KCNH5: variants seen among roughly 807,000 people sequenced by gnomAD.
The protein encoded by KCNH5 is potassium voltage-gated channel subfamily H member 5.
KCNH5 carries 46 observed loss-of-function variants against 96.1 expected under a neutral mutation model. That is an observed-to-expected ratio of 0.48 (90% CI 0.38 to 0.61). The LOEUF (loss-of-function observed/expected upper bound fraction) is 0.61. Ranked by LOEUF, KCNH5 falls within the 20% of genes least tolerant of loss-of-function variation. KCNH5 has a pLI of 0.00. For missense variants in KCNH5, 907 were observed against 1,225.8 expected, an observed-to-expected ratio of 0.74 and a Z score of 3.88; for synonymous variants, 439 against 449.8, an observed-to-expected ratio of 0.98 and a Z score of 0.30.
At chr14:62,787,893 T>C (rs1231091419) in intron 9 of KCNH5, among the ~76,000 whole-genome samples, 2 of 152,192 alleles carry the variant, frequency 1.3e-5, no homozygotes, top group African/African-American at 4.8e-5. Flanking sequence ...GACTGCTCAT[T>C]GACAATGCAT....
chr14:62,719,924 C>T (rs1264272676), intron 10 of KCNH5, among the ~76,000 whole-genome samples: 1 of 152,182 alleles, frequency 6.6e-6, no homozygotes, highest in African/African-American at 2.4e-5. Flanking sequence ...ATGTGTTAAA[C>T]ATCTACCATG....
intron 7 of KCNH5, among the ~76,000 whole-genome samples, chr14:62,889,516 T>C (rs1312709664): frequency 6.6e-6 from 1 of 152,190 alleles, no homozygotes; most frequent in Non-Finnish European, 1.5e-5. Context: ...GATGATGCAG[T>C]AGTCGAGAGA....
At chr14:62,907,492 C>T (rs996156060) in intron 7 of KCNH5, among the ~76,000 whole-genome samples, 1 of 152,126 alleles carries the variant, frequency 6.6e-6, no homozygotes, top group African/African-American at 2.4e-5. Context: ...CAACTTCATG[C>T]AAGTCTGGAA....
intron 1 of KCNH5, among the ~76,000 whole-genome samples, chr14:63,018,865 T>C (rs148407396): frequency 1.1e-3 from 172 of 151,964 alleles, no homozygotes; most frequent in African/African-American, 4.0e-3. Flanking sequence ...ACAATTACTA[T>C]GGAAAAAAGT....
chr14:62,847,679 C>A (rs1595653226), intron 8 of KCNH5, among the ~76,000 whole-genome samples: 1 of 152,132 alleles, frequency 6.6e-6, no homozygotes, highest in African/African-American at 2.4e-5. Flanking sequence ...CTTAAAAAAT[C>A]TTTTCATTGA....
At chr14:62,919,565 C>A (rs559172536) in intron 7 of KCNH5, among the ~76,000 whole-genome samples, 1 of 151,954 alleles carries the variant, frequency 6.6e-6, no homozygotes, top group African/African-American at 2.4e-5. Context: ...AATCTCTGTG[C>A]GCTCAATTTT....
chr14:62,983,245 G>A (rs1594658827), intron 5 of KCNH5, among the ~76,000 whole-genome samples: 2 of 151,876 alleles, frequency 1.3e-5, no homozygotes, highest in Admixed American at 6.6e-5. Flanking sequence ...TTGTTGGCAC[G>A]TGCCTGCAGT....
intron 3 of KCNH5, among the ~76,000 whole-genome samples, chr14:63,003,077 A>T (rs1400798797): frequency 6.6e-6 from 1 of 152,176 alleles, no homozygotes; most frequent in Admixed American, 6.5e-5. Context: ...TAATTTTCCA[A>T]GGTCTGTTAG....
chr14:62,846,877 T>C (rs1417255468), intron 8 of KCNH5, among the ~76,000 whole-genome samples: 1 of 133,352 alleles, frequency 7.5e-6, no homozygotes, highest in East Asian at 2.5e-4. Context: ...CTCAGCTCAC[T>C]GCAAGCTCCG....
intron 8 of KCNH5, among the ~76,000 whole-genome samples, chr14:62,826,385 T>A (rs1199280108): frequency 7.2e-6 from 1 of 138,622 alleles, no homozygotes. Context: ...TGAGATTTTG[T>A]GTGTGTGTGT....
intron 10 of KCNH5, among the ~76,000 whole-genome samples, chr14:62,753,266 C>A (rs1595607263): frequency 6.6e-6 from 1 of 152,028 alleles, no homozygotes; most frequent in East Asian, 1.9e-4. Flanking sequence ...TGAGAAACAA[C>A]TAGTGAGCTT....
chr14:62,932,475 TA>T (rs199801361), intron 7 of KCNH5, among the ~76,000 whole-genome samples: 3,337 of 102,392 alleles, frequency 0.033, 45 homozygotes, highest in Middle Eastern at 0.056. Context: ...GAAATGAGAT[TA>T]AAAAAAAAAA....
rs1384959773 is a variant in KCNH5, at chr14:62,699,848, T to TA, written c.*7659_*7660insT. 1.1e-4 allele frequency: 17 copies of TA among 152,180 alleles called. No homozygotes were observed. The highest frequency in any genetic ancestry group is 2.9e-5 in the Non-Finnish European group (2 of 68,010). The allele number at this position is 152,180 out of a possible 1,614,324, so 9.4% of individuals were successfully genotyped here. On this transcript the variant is annotated 3_prime_UTR_variant, in exon 11 of 11. Transcript: ENST00000322893. Reference sequence around the variant, plus strand: ...ATCTTTGTTTAAGTAGAAAAAAGGATCTGCTTAGCATGAATCAGATTTTGA... The same window carrying TA: ...ATCTTTGTTTAAGTAGAAAAAAGGATACTGCTTAGCATGAATCAGATTTTGA...
chr14:63,025,619 A>AT (rs1891509694), intron 1 of KCNH5, among the ~76,000 whole-genome samples: 1 of 23,650 alleles, frequency 4.2e-5, no homozygotes, highest in Non-Finnish European at 1.2e-4. Flanking sequence ...TACAATAGTA[A>AT]CAAAAAAAAA....
rs1194431355 is a variant in KCNH5, at chr14:62,711,882, A to G, written c.2020-3427T>C. 3.3e-5 allele frequency among the ~76,000 whole-genome samples: 5 copies of G among 152,218 alleles called. No homozygotes were observed. In the South Asian group the frequency reaches 6.2e-4, roughly 19 times the overall value. ...GCCACCAGGGACTTTCAGGCCATCAATTATGCCACACATAAAGAGAGCCAG... is the reference window on the plus strand; with the variant it reads ...GCCACCAGGGACTTTCAGGCCATCAGTTATGCCACACATAAAGAGAGCCAG... On this transcript the variant is annotated intron_variant, in intron 10 of 10. Transcript: ENST00000322893.
chr14:62,845,709 T>G (rs1474431038), intron 8 of KCNH5, among the ~76,000 whole-genome samples: 1 of 152,040 alleles, frequency 6.6e-6, no homozygotes, highest in African/African-American at 2.4e-5. Context: ...CTTAAGCAAC[T>G]GAAAGGTAGT....
chr14:62,980,952 A>T lies in KCNH5; in HGVS notation c.862T>A (p.Tyr288Asn). The T allele has an allele frequency of 6.2e-7, 1 of 1,614,106 alleles. No homozygotes were observed. The highest frequency in any genetic ancestry group is 8.5e-7 in the Non-Finnish European group (1 of 1,179,996). ...ISDPKLIRMN[Y>N]LKTWFVIDLL... is the part of the protein sequence containing the mutation. ...TCGATCACAAACCAAGTTTTCAGATAGTTCATCCTTATGAGCTTAGGGTCA... is the reference window on the plus strand; with the variant it reads ...TCGATCACAAACCAAGTTTTCAGATTGTTCATCCTTATGAGCTTAGGGTCA... The change falls in exon 6 of 11, where the codon TAT (tyrosine) becomes AAT (asparagine). Residue 288 changes from tyrosine to asparagine, a missense_variant. Coordinates refer to ENST00000322893, the MANE Select transcript of KCNH5 (RefSeq NM_139318.5).
chr14:63,045,249 G>C lies in KCNH5; in HGVS notation c.-63C>G. ...GGGAGGGGGGGATGCAGGCAAAGAAGGTGGAGGAAGAGGAGGAAAAGGTGG... is the reference window on the plus strand; with the variant it reads ...GGGAGGGGGGGATGCAGGCAAAGAACGTGGAGGAAGAGGAGGAAAAGGTGG... On this transcript the variant is annotated 5_prime_UTR_variant, in exon 1 of 11. Coordinates refer to ENST00000322893, the MANE Select transcript of KCNH5 (RefSeq NM_139318.5). 7.8e-7 allele frequency: 1 copy of C among 1,278,668 alleles called. No individual in the cohort carries two copies. 79.2% of individuals were successfully genotyped at this position (1,278,668 alleles called of 1,614,324 possible).
chr14:62,947,550 A>G (rs1889912753), intron 7 of KCNH5, among the ~76,000 whole-genome samples: 1 of 152,174 alleles, frequency 6.6e-6, no homozygotes, highest in Non-Finnish European at 1.5e-5. Flanking sequence ...GCCAACACTG[A>G]TGCTTCAATA....
Sources: gnomAD v4.1 joint callset for allele counts (sites outside exome capture counted in the v4.1 genomes callset) on GRCh38, gnomAD v4.1.1 for gene constraint, MANE v1.5 for transcripts, NCBI Gene and HGNC (gene_info 2026-07-23, HGNC 2026-07-21) for gene names.